TENM2: variants seen among roughly 807,000 people sequenced by gnomAD.
TENM2 encodes the protein teneurin transmembrane protein 2.
TENM2 carries 52 observed loss-of-function variants against 245.2 expected under a neutral mutation model. The observed-to-expected ratio is 0.21, with a 90% CI of 0.17 to 0.27. The LOEUF is 0.27. Among genes scored for constraint, TENM2 ranks in the 10% least tolerant of loss-of-function variants. The pLI, the probability that TENM2 is intolerant of heterozygous loss-of-function variation, is 1.00. For missense variants in TENM2, 3,046 were observed against 3,666.8 expected, an observed-to-expected ratio of 0.83 and a Z score of 4.37; for synonymous variants, 1,363 against 1,438.9, an observed-to-expected ratio of 0.95 and a Z score of 1.19.
At chr5:167,134,883 C>G in the TENM2 span, among the ~76,000 whole-genome samples, 1 of 152,188 alleles carries the variant, frequency 6.6e-6, no homozygotes, top group African/African-American at 2.4e-5. Context: ...AAAATTACCT[C>G]TCTCCTGAAT....
intron 2 of TENM2, among the ~76,000 whole-genome samples, chr5:167,683,429 G>A (rs895711604): frequency 1.1e-4 from 17 of 152,282 alleles, no homozygotes; most frequent in Admixed American, 7.8e-4. Flanking sequence ...TACTGTCCAT[G>A]CAAAATAGAA....
the TENM2 span, among the ~76,000 whole-genome samples, chr5:167,255,032 G>T: frequency 6.6e-6 from 1 of 151,148 alleles, no homozygotes; most frequent in Non-Finnish European, 1.5e-5. Flanking sequence ...AATGTGATAA[G>T]AAACCATTCA....
intron 2 of TENM2, among the ~76,000 whole-genome samples, chr5:167,567,572 G>A (rs760596631): frequency 3.3e-5 from 5 of 152,176 alleles, no homozygotes; most frequent in Non-Finnish European, 5.9e-5. Context: ...TAAACGATTG[G>A]GGGAAAACGA....
At chr5:167,046,498 T>C in the TENM2 span, among the ~76,000 whole-genome samples, 2 of 152,156 alleles carry the variant, frequency 1.3e-5, no homozygotes, top group African/African-American at 4.8e-5. Flanking sequence ...CTACTTAAAA[T>C]GTGGAATAAA....
At chr5:167,481,233 A>T (rs568180998) in intron 2 of TENM2, among the ~76,000 whole-genome samples, 1 of 152,276 alleles carries the variant, frequency 6.6e-6, no homozygotes, top group East Asian at 1.9e-4. Context: ...TAGATCAGGG[A>T]TTGGCAAACT....
At chr5:168,021,832 CAG>C (rs1786174671) in intron 5 of TENM2, among the ~76,000 whole-genome samples, 1 of 146,038 alleles carries the variant, frequency 6.8e-6, no homozygotes, top group Non-Finnish European at 1.5e-5. Context: ...GCAAAAGTAA[CAG>C]AAATGATTAG....
At position 168,017,539 on chromosome 5, in the gene TENM2, G is replaced by A. The variant is rs73803831; in HGVS notation, c.1186+24357G>A. On this transcript the variant is annotated intron_variant, in intron 5 of 28. Transcript: ENST00000518659. ...TCCCCACTCTGGGTGTGGCTGGTCAGTCTCTTACAGTGTGTGGCTAGCAGA... is the reference window on the plus strand; with the variant it reads ...TCCCCACTCTGGGTGTGGCTGGTCAATCTCTTACAGTGTGTGGCTAGCAGA... Among the ~76,000 whole-genome samples the A allele has an allele frequency of 1.2e-3, 183 of 152,318 alleles. 1 individual carries two copies. The highest frequency in any genetic ancestry group is 4.1e-3 in the African/African-American group (172 of 41,570).
intron 1 of TENM2, among the ~76,000 whole-genome samples, chr5:167,345,938 A>T (rs534595221): frequency 6.6e-6 from 1 of 151,986 alleles, no homozygotes; most frequent in East Asian, 1.9e-4. Context: ...AAAACATAAC[A>T]TGAGTTTTAC....
intron 9 of TENM2, among the ~76,000 whole-genome samples, chr5:168,115,333 G>A (rs796708416): frequency 2.3e-4 from 29 of 123,836 alleles, no homozygotes; most frequent in African/African-American, 9.2e-4. Flanking sequence ...AGGGAAGGAA[G>A]GGAAGGAAGG....
the TENM2 span, among the ~76,000 whole-genome samples, chr5:167,001,302 G>A: frequency 1.3e-4 from 19 of 151,948 alleles, no homozygotes; most frequent in South Asian, 2.7e-3. Context: ...AACTATCGTG[G>A]GTTACTCTTA....
At chr5:167,783,427 C>T (rs1764342118) in intron 2 of TENM2, among the ~76,000 whole-genome samples, 1 of 152,060 alleles carries the variant, frequency 6.6e-6, no homozygotes, top group African/African-American at 2.4e-5. Flanking sequence ...CCATTGGGAA[C>T]CAGAGTACAA....
chr5:168,034,679 G>A (rs938090766), intron 5 of TENM2, among the ~76,000 whole-genome samples: 39 of 152,164 alleles, frequency 2.6e-4, no homozygotes, highest in African/African-American at 8.9e-4. Context: ...GCTAAGGTGG[G>A]AGGATCACTT....
intron 25 of TENM2, among the ~76,000 whole-genome samples, chr5:168,236,227 A>T (rs1398438148): frequency 6.6e-6 from 1 of 152,182 alleles, no homozygotes. Context: ...AATATACAAC[A>T]TACCTGACTC....
chr5:168,060,244 A>T (rs1043986524), intron 6 of TENM2, among the ~76,000 whole-genome samples: 1 of 151,302 alleles, frequency 6.6e-6, no homozygotes, highest in African/African-American at 2.4e-5. Flanking sequence ...AAAAAAAAAG[A>T]AAAAAGAAAA....
chr5:167,497,034 G>C (rs1214764944), intron 2 of TENM2, among the ~76,000 whole-genome samples: 3 of 151,864 alleles, frequency 2.0e-5, no homozygotes, highest in Non-Finnish European at 4.4e-5. Flanking sequence ...AGAAGAGTAA[G>C]ATCAGAAATG....
At chr5:167,574,577 T>C (rs1198162742) in intron 2 of TENM2, among the ~76,000 whole-genome samples, 1 of 152,186 alleles carries the variant, frequency 6.6e-6, no homozygotes, top group Non-Finnish European at 1.5e-5. Flanking sequence ...GGTTCATAAA[T>C]AGAGATTAAG....
intron 3 of TENM2, among the ~76,000 whole-genome samples, chr5:167,877,157 C>T (rs567895125): frequency 1.2e-4 from 18 of 152,094 alleles, no homozygotes; most frequent in South Asian, 2.1e-4. Context: ...TTAGCATATC[C>T]CATCCAAAGC....
chr5:167,078,914 G>T, the TENM2 span, among the ~76,000 whole-genome samples: 1 of 152,182 alleles, frequency 6.6e-6, no homozygotes, highest in East Asian at 1.9e-4. Flanking sequence ...TACCATGCTT[G>T]GGGGCCATGT....
intron 9 of TENM2, among the ~76,000 whole-genome samples, chr5:168,114,002 A>G (rs1562175156): frequency 6.6e-6 from 1 of 152,184 alleles, no homozygotes. Flanking sequence ...TTCCATTAGT[A>G]TGATTTGACA....
Sources: allele counts gnomAD v4.1 joint callset (sites outside exome capture counted in the v4.1 genomes callset), GRCh38; gene constraint gnomAD v4.1.1; transcripts MANE v1.5; gene names NCBI Gene and HGNC (gene_info 2026-07-23, HGNC 2026-07-21).